TBX5: variants seen among roughly 807,000 people sequenced by gnomAD.
TBX5 encodes T-box transcription factor 5.
TBX5 carries 8 observed loss-of-function variants against 51.1 expected under a neutral mutation model. The ratio of observed to expected loss-of-function variants is 0.16; its 90% confidence interval spans 0.09 to 0.28. The LOEUF is 0.28. TBX5 is among the 10% of genes least tolerant of loss of function. The pLI is 1.00. For missense variants in TBX5, 589 were observed against 671.7 expected, an observed-to-expected ratio of 0.88 and a Z score of 1.36; for synonymous variants, 302 against 266.4, an observed-to-expected ratio of 1.13 and a Z score of -1.30.
At chr12:114,372,197 A>G (rs1311823045) in intron 7 of TBX5, among the ~76,000 whole-genome samples, 4 of 152,202 alleles carry the variant, frequency 2.6e-5, no homozygotes, top group Non-Finnish European at 5.9e-5. Context: ...ACCACTATGC[A>G]ATAGATCCAG....
chr12:114,385,667 T>G (rs1397221699), intron 6 of TBX5, 100 bp from the exon 7 acceptor site: 3 of 1,010,152 alleles, frequency 3.0e-6, no homozygotes, highest in African/African-American at 3.2e-5. Context: ...AAATGCAGCC[T>G]CTGGCAACCA....
intron 2 of TBX5, 94 bp downstream of exon 2, chr12:114,403,654 TTTTG>T: frequency 6.6e-7 from 1 of 1,514,218 alleles, no homozygotes; most frequent in South Asian, 1.3e-5. Flanking sequence ...GGTTTTTTTA[TTTTG>T]TTTTTGTTCT....
chr12:114,407,097 C>G (rs1162388388), upstream of TBX5: 2 of 985,338 alleles, frequency 2.0e-6, no homozygotes, highest in Non-Finnish European at 2.4e-6. Flanking sequence ...AGAAATGCCC[C>G]GAGGTCAGCA....
At chr12:114,362,264 A>G (rs1337295732) in intron 8 of TBX5, among the ~76,000 whole-genome samples, 1 of 152,174 alleles carries the variant, frequency 6.6e-6, no homozygotes, top group Non-Finnish European at 1.5e-5. Context: ...GAACTTAGGC[A>G]TGTTACTCAC....
At chr12:114,381,551 T>C (rs940573129) in intron 7 of TBX5, among the ~76,000 whole-genome samples, 10 of 152,118 alleles carry the variant, frequency 6.6e-5, no homozygotes, top group African/African-American at 9.7e-5. Flanking sequence ...ACATATAGAC[T>C]AGGAATCAAG....
chr12:114,384,799 G>A (rs1025120914), intron 7 of TBX5, among the ~76,000 whole-genome samples: 2 of 150,518 alleles, frequency 1.3e-5, no homozygotes, highest in South Asian at 2.1e-4. Flanking sequence ...TTTCTAATTC[G>A]CTTGCCATAT....
rs201637366 is a variant in TBX5, at chr12:114,366,252, C to G, written c.895G>C (p.Gly299Arg). Residue 299 changes from glycine to arginine, a missense_variant, in exon 8 of 9, where the codon GGC (glycine) becomes CGC (arginine). Physicochemically the swap from Gly to Arg is moderately radical, Grantham distance 125. Coordinates refer to ENST00000405440, the MANE Select transcript of TBX5 (RefSeq NM_181486.4). Reference protein sequence around the residue: ...SQYQCENGVSGPSQDLLPPPN... With the variant: ...SQYQCENGVSRPSQDLLPPPN... ...GGAGGCAGGAGGTCCTGGGAGGGGC[C>G]GGAAACACCATTCTCACACTGGTAT... The G allele has an allele frequency of 1.9e-6, 3 of 1,613,832 alleles. No homozygotes were observed. The highest frequency in any genetic ancestry group is 1.3e-5 in the African/African-American group (1 of 74,820).
At chr12:114,384,124 A>G (rs1015767726) in intron 7 of TBX5, among the ~76,000 whole-genome samples, 1 of 152,244 alleles carries the variant, frequency 6.6e-6, no homozygotes, top group Non-Finnish European at 1.5e-5. Flanking sequence ...AATTTTAAAT[A>G]ACAAACTCAG....
intron 7 of TBX5, among the ~76,000 whole-genome samples, chr12:114,367,172 A>T (rs1593848179): frequency 6.6e-6 from 1 of 152,106 alleles, no homozygotes; most frequent in African/African-American, 2.4e-5. Context: ...GGGAAAAAAG[A>T]GAGGGAAAGA....
At chr12:114,378,226 C>T (rs184516800) in intron 7 of TBX5, among the ~76,000 whole-genome samples, 12 of 152,312 alleles carry the variant, frequency 7.9e-5, no homozygotes, top group African/African-American at 2.9e-4. Context: ...AGTCATTGCT[C>T]ATGGTCATTC....
upstream of TBX5, chr12:114,408,059 A>G (rs1872338730): frequency 1.0e-6 from 1 of 985,474 alleles, no homozygotes; most frequent in Non-Finnish European, 1.2e-6. Context: ...CAACCAGGCG[A>G]TAGCGACTAT....
intron 3 of TBX5, among the ~76,000 whole-genome samples, chr12:114,399,923 C>T (rs963214165): frequency 6.6e-6 from 1 of 152,190 alleles, no homozygotes; most frequent in Admixed American, 6.5e-5. Flanking sequence ...TTCAAAGGGA[C>T]CTCCATTTCA....
chr12:114,360,787 T>C (rs1869197711), intron 8 of TBX5, among the ~76,000 whole-genome samples: 1 of 152,010 alleles, frequency 6.6e-6, no homozygotes, highest in South Asian at 2.1e-4. Flanking sequence ...AGTGGGTGGA[T>C]GACTTTTTGT....
chr12:114,398,427 C>G, intron 5 of TBX5, 146 bp downstream of exon 5: 1 of 1,132,508 alleles, frequency 8.8e-7, no homozygotes, highest in Non-Finnish European at 1.3e-6. Flanking sequence ...AAGGTAGAGG[C>G]AGAAAGCGAC....
intron 7 of TBX5, among the ~76,000 whole-genome samples, chr12:114,379,752 T>A (rs1870405779): frequency 6.6e-6 from 1 of 152,172 alleles, no homozygotes; most frequent in Non-Finnish European, 1.5e-5. Context: ...TGGACCCTGG[T>A]CCCCTGTGTG....
rs10850334 is a variant in TBX5 at position 114,375,287 on chromosome 12, G to T, written c.756-8896C>A. On this transcript the variant is annotated intron_variant, in intron 7 of 8. Coordinates refer to ENST00000405440, the MANE Select transcript of TBX5 (RefSeq NM_181486.4). ...TCCATCAGAGCCACTGGAGAAAACT[G>T]TTGAAGGGCAGTTTCTGACCCATCC... 0.018 allele frequency among the ~76,000 whole-genome samples: 2,674 copies of T among 152,234 alleles called. 316 individuals are homozygous for T. The East Asian group carries it at 0.35, about 20-fold the overall frequency.
At chr12:114,366,412 G>A (rs372915117) in intron 7 of TBX5, 21 bp from the exon 8 acceptor site, 5 of 1,611,454 alleles carry the variant, frequency 3.1e-6, no homozygotes, top group Non-Finnish European at 4.2e-6. Flanking sequence ...AAAGATGGGA[G>A]ATAACGCCTA....
rs1593889503 is a variant in TBX5, at chr12:114,406,116, T to C, written c.-527A>G. Reference sequence around the variant, plus strand: ...GCCAACTCAGCTGAGCACAGTGACGTTGGGTTGCCTCGATGCTCACAAAGT... The same window carrying C: ...GCCAACTCAGCTGAGCACAGTGACGCTGGGTTGCCTCGATGCTCACAAAGT... On this transcript the variant is annotated 5_prime_UTR_variant, in exon 1 of 9. Transcript: ENST00000405440. 4.8e-6 allele frequency: 4 copies of C among 838,976 alleles called. No homozygotes were observed. The highest frequency in any genetic ancestry group is 1.1e-4 in the South Asian group (2 of 18,328). 52.0% of individuals were successfully genotyped at this position (838,976 alleles called of 1,614,324 possible).
At chr12:114,383,899 T>C (rs2555025) in intron 7 of TBX5, among the ~76,000 whole-genome samples, 88,458 of 151,498 alleles carry the variant, frequency 0.58, 26,419 homozygotes, top group Admixed American at 0.72. Context: ...GAACTTTGCC[T>C]GTAGGACTGA....
Sources: allele counts gnomAD v4.1 joint callset (sites outside exome capture counted in the v4.1 genomes callset), GRCh38; gene constraint gnomAD v4.1.1; transcripts MANE v1.5; gene names NCBI Gene and HGNC (gene_info 2026-07-23, HGNC 2026-07-21).